The following DYNC2I1 variants were observed in gnomAD, a reference collection of about 807,000 sequenced individuals.
The protein encoded by DYNC2I1 is cytoplasmic dynein 2 intermediate chain 1.
In DYNC2I1, 89 loss-of-function variants were observed where a neutral mutation model predicts 133.4. The observed-to-expected ratio is 0.67, with a 90% CI of 0.56 to 0.80. DYNC2I1 has a LOEUF of 0.80. Among genes scored for constraint, DYNC2I1 ranks in the 30% least tolerant of loss-of-function variants. The pLI is 0.00. For missense variants in DYNC2I1, 1,291 were observed against 1,314.5 expected (o/e 0.98, Z 0.28); for synonymous variants, 504 against 484.3 (o/e 1.04, Z -0.54).
At chr7:158,929,391 G>A (rs62476514) in intron 20 of DYNC2I1, among the ~76,000 whole-genome samples, 4,610 of 149,982 alleles carry the variant, frequency 0.031, 79 homozygotes, top group Admixed American at 0.056. Context: ...GGGAAGGCCT[G>A]GCCAGAAAGG....
chr7:158,918,286 G>A (rs1181797346), intron 14 of DYNC2I1, among the ~76,000 whole-genome samples: 1 of 152,134 alleles, frequency 6.6e-6, no homozygotes, highest in Non-Finnish European at 1.5e-5. Context: ...CATCAATCCT[G>A]TTTTGTCTCC....
At chr7:158,934,746 G>A (rs769301986) in intron 23 of DYNC2I1, among the ~76,000 whole-genome samples, 197 bp downstream of exon 23, 6 of 152,168 alleles carry the variant, frequency 3.9e-5, no homozygotes, top group Non-Finnish European at 8.8e-5. Context: ...ACTATGCCTG[G>A]CTAATTTAAA....
In DYNC2I1 at chr7:158,918,841, G is replaced by C. The variant is rs1341871971; in HGVS notation, c.1893G>C (p.Gln631His). ...TGTATTTTAGTGACAGCTCATCTCAGCTGAACACCAGTCTACCATTCCTTC... is the reference window on the plus strand; with the variant it reads ...TGTATTTTAGTGACAGCTCATCTCACCTGAACACCAGTCTACCATTCCTTC... ...RALYFSDSSS[Q>H]LNTSLPFLQN... Residue 631 changes from glutamine to histidine, a missense_variant, in exon 15 of 25, where the codon CAG (glutamine) becomes CAC (histidine). Transcript: ENST00000407559. 6.2e-7 allele frequency: 1 copy of C among 1,613,776 alleles called. No individual in the cohort carries two copies. Among genetic ancestry groups the C allele is most frequent in the Admixed American group, 1.7e-5 (1 of 60,010 alleles).
At chr7:158,859,900 A>AAG (rs1294128757) in intron 1 of DYNC2I1, among the ~76,000 whole-genome samples, 5 of 152,196 alleles carry the variant, frequency 3.3e-5, no homozygotes, top group Non-Finnish European at 7.3e-5. Context: ...TTAACTTTTT[A>AAG]GGAAGTTAAC....
At chr7:158,943,769 A>G (rs927429772) in intron 24 of DYNC2I1, among the ~76,000 whole-genome samples, 3 of 152,140 alleles carry the variant, frequency 2.0e-5, no homozygotes, top group Non-Finnish European at 4.4e-5. Context: ...ATGGCTTTCC[A>G]TGAAGGAGAA....
At chr7:158,897,852 C>A (rs999894872) in intron 8 of DYNC2I1, among the ~76,000 whole-genome samples, 1 of 152,058 alleles carries the variant, frequency 6.6e-6, no homozygotes. Context: ...GATTTTAGAT[C>A]TTTCTTCTTT....
intron 2 of DYNC2I1, among the ~76,000 whole-genome samples, chr7:158,870,339 ATTTTTAG>A (rs1842772187): frequency 6.6e-6 from 1 of 150,974 alleles, no homozygotes; most frequent in Non-Finnish European, 1.5e-5. Flanking sequence ...TTATTTATTT[ATTTTTAG>A]TTAATTAATT....
At chr7:158,893,524 CAT>C (rs1245685222) in intron 8 of DYNC2I1, among the ~76,000 whole-genome samples, 2 of 152,154 alleles carry the variant, frequency 1.3e-5, no homozygotes, top group Non-Finnish European at 2.9e-5. Context: ...TTTAATATCT[CAT>C]ATAATTTATT....
the DYNC2I1 span, among the ~76,000 whole-genome samples, chr7:158,839,547 C>G: frequency 6.6e-6 from 1 of 152,150 alleles, no homozygotes; most frequent in African/African-American, 2.4e-5. Flanking sequence ...TGGCTGGGCA[C>G]GGTGGTTCAC....
chr7:158,929,939 T>C (rs1450983871), intron 20 of DYNC2I1, among the ~76,000 whole-genome samples: 1 of 152,098 alleles, frequency 6.6e-6, no homozygotes, highest in Non-Finnish European at 1.5e-5. Context: ...CTGGAGAAGC[T>C]GCTGGAACAG....
downstream of DYNC2I1, among the ~76,000 whole-genome samples, chr7:158,946,955 C>T (rs1851905117): frequency 6.6e-6 from 1 of 152,236 alleles, no homozygotes; most frequent in Admixed American, 6.5e-5. Flanking sequence ...ACACAGCCCC[C>T]TCCCCAACGG....
intron 20 of DYNC2I1, among the ~76,000 whole-genome samples, chr7:158,927,584 C>T (rs550717333): frequency 2.2e-4 from 33 of 151,390 alleles, no homozygotes; most frequent in Middle Eastern, 3.4e-3. Flanking sequence ...GACAGAGTCC[C>T]GCTCTGTTGC....
At chr7:158,914,461 T>C (rs1847810448) in intron 14 of DYNC2I1, 140 bp downstream of exon 14, 2 of 701,756 alleles carry the variant, frequency 2.8e-6, no homozygotes, top group Non-Finnish European at 4.5e-6. Flanking sequence ...TCAAGTATTA[T>C]TTTCTTACAA....
intron 23 of DYNC2I1, among the ~76,000 whole-genome samples, chr7:158,940,062 C>T (rs1352124941): frequency 1.3e-5 from 2 of 152,140 alleles, no homozygotes; most frequent in South Asian, 2.1e-4. Flanking sequence ...TTCAGCACCC[C>T]ACTCTCAGTA....
chr7:158,940,387 C>T (rs758373630), intron 23 of DYNC2I1, among the ~76,000 whole-genome samples: 11 of 152,256 alleles, frequency 7.2e-5, no homozygotes, highest in East Asian at 3.9e-4. Flanking sequence ...AATGCTCACT[C>T]GCCTGCTGCT....
chr7:158,906,980 C>T (rs1275169561), intron 11 of DYNC2I1, among the ~76,000 whole-genome samples: 2 of 152,024 alleles, frequency 1.3e-5, no homozygotes, highest in Non-Finnish European at 2.9e-5. Context: ...AGCAGCATAG[C>T]GAGACGCACC....
At chr7:158,852,227 T>G (rs1841075075), upstream of DYNC2I1, among the ~76,000 whole-genome samples, 1 of 152,082 alleles carries the variant, frequency 6.6e-6, no homozygotes, top group South Asian at 2.1e-4. Flanking sequence ...TTTCAAGCGA[T>G]TCTCCTGCCT....
At chr7:158,913,275 A>C (rs767730420) in intron 13 of DYNC2I1, among the ~76,000 whole-genome samples, 179 bp downstream of exon 13, 11 of 152,226 alleles carry the variant, frequency 7.2e-5, no homozygotes, top group Non-Finnish European at 1.3e-4. Flanking sequence ...GCAGCCACAG[A>C]GCTGCTGAAC....
At chr7:158,923,826 C>T (rs1015896929) in intron 17 of DYNC2I1, 93 bp downstream of exon 17, 1 of 1,497,510 alleles carries the variant, frequency 6.7e-7, no homozygotes. Context: ...TTTATTTATT[C>T]ACATTATCCC....
Sources: allele counts gnomAD v4.1 joint callset (sites outside exome capture counted in the v4.1 genomes callset), GRCh38; gene constraint gnomAD v4.1.1; transcripts MANE v1.5; gene names NCBI Gene and HGNC (gene_info 2026-07-23, HGNC 2026-07-21).